Variants in KCNJ2 observed in about 807,000 individuals in gnomAD.
KCNJ2 encodes inward rectifier potassium channel 2.
KCNJ2 carries 12 observed loss-of-function variants against 28.4 expected under a neutral mutation model. That is an observed-to-expected ratio of 0.42 (90% CI 0.27 to 0.68). The LOEUF (loss-of-function observed/expected upper bound fraction) is 0.68. Among genes scored for constraint, KCNJ2 ranks in the 30% least tolerant of loss-of-function variants. KCNJ2 has a pLI of 0.23. For synonymous variants in KCNJ2, 200 were observed against 203.2 expected (o/e 0.98, Z 0.13); for missense variants, 320 against 551.3 (o/e 0.58, Z 4.20).
At chr17:70,173,571 G>C (rs2074375777) in intron 1 of KCNJ2, among the ~76,000 whole-genome samples, 1 of 152,184 alleles carries the variant, frequency 6.6e-6, no homozygotes, top group African/African-American at 2.4e-5. Context: ...TTTCTTAGGA[G>C]TGAAGATGGA....
chr17:70,170,104 T>G (rs1279936324), intron 1 of KCNJ2, among the ~76,000 whole-genome samples: 1 of 151,734 alleles, frequency 6.6e-6, no homozygotes, highest in Non-Finnish European at 1.5e-5. Context: ...GGGGTGCGTC[T>G]TGAGCCCTGG....
In KCNJ2 at chr17:70,180,023, TA is replaced by T; in HGVS notation, c.*3707del. On this transcript the variant is annotated 3_prime_UTR_variant, in exon 2 of 2. Transcript: ENST00000243457. ...TATGTCTTATTTTATTATTTCTAAATAAAAAAATTAAAAATTGAAAACAAAT... is the reference window on the plus strand; with the variant it reads ...TATGTCTTATTTTATTATTTCTAAATAAAAAATTAAAAATTGAAAACAAAT... The T allele has an allele frequency of 6.2e-6, 1 of 160,064 alleles. No homozygotes were observed. The highest frequency in any genetic ancestry group is 2.4e-5 in the African/African-American group (1 of 41,524). 9.9% of individuals were successfully genotyped at this position (160,064 alleles called of 1,614,324 possible). A position where few individuals can be genotyped will look rare whatever the true frequency, so the allele number is the denominator to read the frequency against.
In KCNJ2 at chr17:70,179,240, T is replaced by C. The variant is rs1249879367; in HGVS notation, c.*2917T>C. The C allele has an allele frequency of 6.0e-6, 1 of 166,790 alleles. No individual in the cohort carries two copies. Among genetic ancestry groups the C allele is most frequent in the Non-Finnish European group, 1.5e-5 (1 of 68,076 alleles). 10.3% of individuals were successfully genotyped at this position (166,790 alleles called of 1,614,324 possible). On this transcript the variant is annotated 3_prime_UTR_variant, in exon 2 of 2. Coordinates refer to ENST00000243457, the MANE Select transcript of KCNJ2 (RefSeq NM_000891.3). Reference sequence around the variant, plus strand: ...ACGGAGGGGACTCACCATGAATATCTGGGGTTGATTCCCAGATGTGTGTTG... The same window carrying C: ...ACGGAGGGGACTCACCATGAATATCCGGGGTTGATTCCCAGATGTGTGTTG...
At position 70,179,941 on chromosome 17, in the gene KCNJ2, A is replaced by G. The variant is rs530574251; in HGVS notation, c.*3618A>G. On this transcript the variant is annotated 3_prime_UTR_variant, in exon 2 of 2. Transcript: ENST00000243457. ...ATTTTCCCATTTGCTGTCTTTTTGTATCTAAAGTCTTCCTATTGTACTGCA... is the reference window on the plus strand; with the variant it reads ...ATTTTCCCATTTGCTGTCTTTTTGTGTCTAAAGTCTTCCTATTGTACTGCA... The G allele has an allele frequency of 2.0e-4, 33 of 167,110 alleles. No homozygotes were observed. The highest frequency in any genetic ancestry group is 1.6e-3 in the Admixed American group (24 of 15,294). The allele number at this position is 167,110 out of a possible 1,614,324, so 10.4% of individuals were successfully genotyped here.
intron 1 of KCNJ2, among the ~76,000 whole-genome samples, chr17:70,170,640 A>G (rs57410822): frequency 0.053 from 8,139 of 152,256 alleles, 715 homozygotes; most frequent in African/African-American, 0.19. Context: ...GCGTTTTATC[A>G]TTTGTTTTCT....
In KCNJ2 at chr17:70,176,290, G is replaced by T; in HGVS notation, c.1251G>T (p.Glu417Asp). Reference protein sequence around the residue: ...DLHNQASVPLEPRPLRRESEI With the variant: ...DLHNQASVPLDPRPLRRESEI ...ACAACCAGGCAAGTGTACCTCTAGA[G>T]CCCAGGCCCTTACGGCGAGAGTCGG... Residue 417 changes from glutamate (E) to aspartate (D), a missense_variant, in exon 2 of 2, where the codon GAG becomes GAT. This residue lies in a region of KCNJ2 where 155 missense variants were observed against 231.6 expected (regional missense o/e 0.67). Coordinates refer to ENST00000243457, the MANE Select transcript of KCNJ2 (RefSeq NM_000891.3). 1 of 1,614,124 alleles carries T rather than the reference G, an allele frequency of 6.2e-7. No homozygotes were observed. The highest frequency in any genetic ancestry group is 1.6e-4 in the Middle Eastern group (1 of 6,062).
intron 1 of KCNJ2, among the ~76,000 whole-genome samples, chr17:70,170,552 A>AT (rs2074359948): frequency 6.6e-6 from 1 of 152,312 alleles, no homozygotes; most frequent in African/African-American, 2.4e-5. Context: ...AATTCCGACG[A>AT]TTTTCATAAA....
At chr17:70,174,133 G>A (rs574025053) in intron 1 of KCNJ2, among the ~76,000 whole-genome samples, 58 of 152,280 alleles carry the variant, frequency 3.8e-4, no homozygotes, top group African/African-American at 1.4e-3. Context: ...ATTCACCATC[G>A]TAGGAGGTTT....
At position 70,176,343 on chromosome 17, in the gene KCNJ2, G is replaced by T. The variant is rs776522922; in HGVS notation, c.*20G>T. On this transcript the variant is annotated 3_prime_UTR_variant, in exon 2 of 2. Transcript: ENST00000243457. Reference sequence around the variant, plus strand: ...ATATGACTGACTGATTCCTTCTCTGGAATAGTTACTTTACAACACGGTCTG... The same window carrying T: ...ATATGACTGACTGATTCCTTCTCTGTAATAGTTACTTTACAACACGGTCTG... 8 of 1,608,268 alleles carry T rather than the reference G, an allele frequency of 5.0e-6. No individual in the cohort carries two copies. The Admixed American group carries it at 6.7e-5, about 13-fold the overall frequency.
In KCNJ2 at chr17:70,176,185, C is replaced by T. The variant is rs173135; in HGVS notation, c.1146C>T (p.Leu382=). Residue 382 remains leucine, a synonymous_variant, in exon 2 of 2, where the codon CTC becomes CTT. Coordinates refer to ENST00000243457, the MANE Select transcript of KCNJ2 (RefSeq NM_000891.3). ...TTTGCTATGAAAATGAAGTTGCCCTCACAAGCAAAGAGGAAGACGACAGTG... is the reference window on the plus strand; with the variant it reads ...TTTGCTATGAAAATGAAGTTGCCCTTACAAGCAAAGAGGAAGACGACAGTG... The part of the protein sequence containing the change: ...NSFCYENEVA[L]TSKEEDDSEN... 196,006 of 1,613,708 alleles carry T rather than the reference C, an allele frequency of 0.12. 12,253 individuals carry two copies. Among genetic ancestry groups the T allele is most frequent in the Admixed American group, 0.21 (12,854 of 60,002 alleles).
At position 70,169,599 on chromosome 17, in the gene KCNJ2, T is replaced by A. The variant is rs981821000; in HGVS notation, c.-319T>A. On this transcript the variant is annotated 5_prime_UTR_variant, in exon 1 of 2. Coordinates refer to ENST00000243457, the MANE Select transcript of KCNJ2 (RefSeq NM_000891.3). The stretch of plus-strand genomic sequence containing the variant: ...CCGGCGGGCTGGGTCTTGGGAATTC[T>A]GGTTTGCTTTGGCTCACTCGCTTTT... 4 of 152,676 alleles carry A rather than the reference T, an allele frequency of 2.6e-5. No individual in the cohort carries two copies. The highest frequency in any genetic ancestry group is 5.8e-5 in the Non-Finnish European group (4 of 68,432). 9.5% of individuals were successfully genotyped at this position (152,676 alleles called of 1,614,324 possible).
Position 70,177,991 on chromosome 17 carries a change from A to AC in KCNJ2, c.*1668_*1669insC, listed in dbSNP as rs1462500576. The AC allele has an allele frequency of 6.7e-6, 1 of 149,358 alleles. No homozygotes were observed. The highest frequency in any genetic ancestry group is 2.6e-5 in the African/African-American group (1 of 37,994). The allele number at this position is 149,358 out of a possible 1,614,324, so 9.3% of individuals were successfully genotyped here. On this transcript the variant is annotated 3_prime_UTR_variant, in exon 2 of 2. Transcript: ENST00000243457. ...GGCTGACTGCCTTGCTAGAAACATA[A>AC]TTTTTTTTTTCTCACTGAAGCTCAA...
rs1567823283 is a variant in KCNJ2, at chr17:70,176,229, G to A, written c.1190G>A (p.Ser397Asn). The change falls in exon 2 of 2, where the codon AGC (serine) becomes AAC (asparagine). Residue 397 changes from serine to asparagine, a missense_variant. Ser to Asn is a conservative substitution (Grantham distance 46). Transcript: ENST00000243457. ...EDDSENGVPESTSTDTPPDID... is the reference protein window; with the variant it reads ...EDDSENGVPENTSTDTPPDID... ...GACAGTGAAAATGGAGTTCCAGAAA[G>A]CACTAGTACGGACACGCCCCCTGAC... 1 of 1,614,114 alleles carries A rather than the reference G, an allele frequency of 6.2e-7. No homozygotes were observed. The highest frequency in any genetic ancestry group is 2.2e-5 in the East Asian group (1 of 44,874).
chr17:70,172,944 G>A (rs2074372929), intron 1 of KCNJ2, among the ~76,000 whole-genome samples: 2 of 152,226 alleles, frequency 1.3e-5, no homozygotes, highest in Non-Finnish European at 2.9e-5. Flanking sequence ...TTGTTTCTTT[G>A]GTCCAAGTGC....
intron 1 of KCNJ2, among the ~76,000 whole-genome samples, chr17:70,173,888 A>G (rs951433498): frequency 6.6e-6 from 1 of 152,172 alleles, no homozygotes; most frequent in Admixed American, 6.5e-5. Flanking sequence ...TACACATGAC[A>G]GCCCCATCTC....
intron 1 of KCNJ2, among the ~76,000 whole-genome samples, chr17:70,173,296 G>A (rs981916880): frequency 4.6e-5 from 7 of 152,180 alleles, no homozygotes; most frequent in African/African-American, 7.2e-5. Flanking sequence ...GCTGATATCG[G>A]TTCTATTAAC....
At chr17:70,173,940 T>C (rs1309131736) in intron 1 of KCNJ2, among the ~76,000 whole-genome samples, 4 of 152,266 alleles carry the variant, frequency 2.6e-5, no homozygotes, top group South Asian at 2.1e-4. Flanking sequence ...ACAGAATTGC[T>C]CTCTATCCCC....
intron 1 of KCNJ2, among the ~76,000 whole-genome samples, chr17:70,174,603 A>G (rs778764335): frequency 2.6e-5 from 4 of 152,196 alleles, no homozygotes; most frequent in Non-Finnish European, 4.4e-5. Flanking sequence ...TGGTTGAACA[A>G]CTGTCACAGA....
At chr17:70,170,097 G>A (rs925341801) in intron 1 of KCNJ2, among the ~76,000 whole-genome samples, 2 of 151,948 alleles carry the variant, frequency 1.3e-5, no homozygotes, top group African/African-American at 2.4e-5. Context: ...GGGTTTGGGG[G>A]TGCGTCTTGA....
Sources: gnomAD v4.1 joint callset for allele counts (sites outside exome capture counted in the v4.1 genomes callset) on GRCh38, gnomAD v4.1.1 for gene constraint, gnomAD v4.1.1 regional missense constraint, MANE v1.5 for transcripts, NCBI Gene and HGNC (gene_info 2026-07-23, HGNC 2026-07-21) for gene names.